Variants in GTPBP2 observed in about 807,000 individuals in gnomAD.
The protein encoded by GTPBP2 is GTP binding protein 2.
GTPBP2 carries 32 observed loss-of-function variants against 63.0 expected under a neutral mutation model. The observed-to-expected ratio is 0.51, with a 90% CI of 0.38 to 0.68. The LOEUF is 0.68. Ranked by LOEUF, GTPBP2 falls within the 30% of genes least tolerant of loss-of-function variation. GTPBP2 has a pLI of 0.00. For missense variants in GTPBP2, 492 were observed against 796.9 expected (o/e 0.62, Z 4.61); for synonymous variants, 310 against 322.6 (o/e 0.96, Z 0.42).
In GTPBP2 at chr6:43,629,035, T is replaced by C. The variant is rs1470049137; in HGVS notation, c.128A>G (p.Lys43Arg). ...SSGCGGPKGK[K>R]KNGRNRGGKA... ...GCCCCCTCTGTTCCTTCCGTTCTTC[T>C]TCTTTCCCTTTGGCCCCCCGCAGCC... is the stretch of plus-strand genomic sequence containing the variant. Residue 43 changes from lysine (K) to arginine (R), a missense_variant, in exon 1 of 12, where the codon AAG becomes AGG. Physicochemically the swap from Lys to Arg is conservative, Grantham distance 26. Transcript: ENST00000307126. The C allele has an allele frequency of 6.2e-7, 1 of 1,613,092 alleles. No homozygotes were observed. The highest frequency in any genetic ancestry group is 2.2e-5 in the East Asian group (1 of 44,864).
At position 43,626,503 on chromosome 6, in the gene GTPBP2, T is replaced by C; in HGVS notation, c.214-93A>G. 1.0e-6 allele frequency: 1 copy of C among 984,642 alleles called. No homozygotes were observed. Among genetic ancestry groups the C allele is most frequent in the South Asian group, 1.5e-5 (1 of 66,876 alleles). 61.0% of individuals were successfully genotyped at this position (984,642 alleles called of 1,614,324 possible). ...CTGTTCTGCTGCAAGGACCAGGACT[T>C]TCTCTTTCCACTTAAACTCATACCT... On this transcript the variant is annotated intron_variant, in intron 2 of 11. Transcript: ENST00000307126. The surrounding 1 kb of genome is among the most constrained non-coding windows in gnomAD (Gnocchi z 4.0).
At chr6:43,630,926 A>G (rs1480721522), upstream of GTPBP2, among the ~76,000 whole-genome samples, 1 of 151,548 alleles carries the variant, frequency 6.6e-6, no homozygotes, top group Non-Finnish European at 1.5e-5. Flanking sequence ...AAAAAAAAAA[A>G]AAAAAGAAAG....
Position 43,626,260 on chromosome 6 carries a change from C to T in GTPBP2, c.364G>A (p.Ala122Thr), listed in dbSNP as rs1278187678. 6.2e-7 allele frequency: 1 copy of T among 1,614,216 alleles called. No homozygotes were observed. The highest frequency in any genetic ancestry group is 1.7e-4 in the Middle Eastern group (1 of 6,052). ...LVGLAEEEMRASLKTLHRMAE... is the reference protein window; with the variant it reads ...LVGLAEEEMRTSLKTLHRMAE... ...ATCCGGTGCAGGGTCTTGAGCGAAGCTCGCATTTCCTCCTCAGCCAGCCCC... is the reference window on the plus strand; with the variant it reads ...ATCCGGTGCAGGGTCTTGAGCGAAGTTCGCATTTCCTCCTCAGCCAGCCCC... The change falls in exon 3 of 12, where the codon GCT becomes ACT. Residue 122 changes from alanine (A) to threonine (T), a missense_variant. By Grantham distance (58) the Ala-to-Thr change is moderately conservative. This residue lies in a region of GTPBP2 where 400 missense variants were observed against 710.8 expected (regional missense o/e 0.56). Coordinates refer to ENST00000307126, the MANE Select transcript of GTPBP2 (RefSeq NM_019096.5). The surrounding 1 kb of genome is among the most constrained non-coding windows in gnomAD (Gnocchi z 4.0).
upstream of GTPBP2, among the ~76,000 whole-genome samples, chr6:43,631,310 G>C (rs1769917483): frequency 6.6e-6 from 1 of 152,174 alleles, no homozygotes; most frequent in Non-Finnish European, 1.5e-5. Flanking sequence ...CTGCTGCTTA[G>C]AGACAGAGAC....
chr6:43,621,899 T>A lies in GTPBP2; in HGVS notation c.1632+104A>T, dbSNP rs2227267. On this transcript the variant is annotated intron_variant, in intron 11 of 11. Coordinates refer to ENST00000307126, the MANE Select transcript of GTPBP2 (RefSeq NM_019096.5). Reference sequence around the variant, plus strand: ...CTATCAGGCCGCTACCCACCCTAAGTGGGGTTTTATTCCCATTGTGGGATC... The same window carrying A: ...CTATCAGGCCGCTACCCACCCTAAGAGGGGTTTTATTCCCATTGTGGGATC... 5.0e-6 allele frequency: 8 copies of A among 1,599,556 alleles called. No individual in the cohort carries two copies. The East Asian group carries it at 1.8e-4, about 36-fold the overall frequency.
chr6:43,629,709 G>C, upstream of GTPBP2: 1 of 1,549,990 alleles, frequency 6.5e-7, no homozygotes, highest in Non-Finnish European at 8.7e-7. Flanking sequence ...TACTGGTGCC[G>C]CCAGCCTGCT....
At chr6:43,627,038 G>A in intron 1 of GTPBP2, 90 bp from the exon 2 acceptor site, 3 of 1,187,930 alleles carry the variant, frequency 2.5e-6, no homozygotes, top group Non-Finnish European at 3.6e-6. Context: ...TAGCTAACTT[G>A]AGAAAGCAGG....
chr6:43,625,025 A>G lies in GTPBP2; in HGVS notation c.743T>C (p.Ile248Thr). Residue 248 changes from isoleucine to threonine, a missense_variant, in exon 6 of 12, where the codon ATC becomes ACC. Around this residue, in one of 2 missense-constraint regions of GTPBP2, gnomAD observed 400 missense variants for 710.8 expected, o/e 0.56. Coordinates refer to ENST00000307126, the MANE Select transcript of GTPBP2 (RefSeq NM_019096.5). The surrounding 1 kb of genome is among the most constrained non-coding windows in gnomAD (Gnocchi z 5.1). Reference protein sequence around the residue: ...NYSDSRTAEEICESSSKMITF... With the variant: ...NYSDSRTAEETCESSSKMITF... ...GATCATCTTGGAGCTGCTCTCACAG[A>G]TCTCTTCTGCTGTCCGTGAGTCGCT... 1 of 1,613,624 alleles carries G rather than the reference A, an allele frequency of 6.2e-7. No individual in the cohort carries two copies. The highest frequency in any genetic ancestry group is 8.5e-7 in the Non-Finnish European group (1 of 1,179,916).
At position 43,623,559 on chromosome 6, in the gene GTPBP2, C is replaced by T. The variant is rs1044693750; in HGVS notation, c.1295+178G>A. On this transcript the variant is annotated intron_variant, in intron 9 of 11. Coordinates refer to ENST00000307126, the MANE Select transcript of GTPBP2 (RefSeq NM_019096.5). ...AATAGGCAGCAATACTGTTTCTTCC[C>T]TCCAAAGCCAACAGACTACCGTTCT... 52 of 619,178 alleles carry T rather than the reference C, an allele frequency of 8.4e-5. No homozygotes were observed. The African/African-American group carries it at 8.5e-4, about 10-fold the overall frequency. 38.4% of individuals were successfully genotyped at this position (619,178 alleles called of 1,614,324 possible).
chr6:43,621,428 G>T lies in GTPBP2; in HGVS notation c.*186C>A. 6.5e-7 allele frequency: 1 copy of T among 1,543,416 alleles called. No individual in the cohort carries two copies. The highest frequency in any genetic ancestry group is 8.8e-7 in the Non-Finnish European group (1 of 1,142,358). ...CCCTGAATCCTGTCTTCTCCCTCAGGACTGCCCTTTCCTGGCCACACCAAG... is the reference window on the plus strand; with the variant it reads ...CCCTGAATCCTGTCTTCTCCCTCAGTACTGCCCTTTCCTGGCCACACCAAG... On this transcript the variant is annotated 3_prime_UTR_variant, in exon 12 of 12. Transcript: ENST00000307126.
In GTPBP2 at chr6:43,625,653, T is replaced by C. The variant is rs1363923950; in HGVS notation, c.508-93A>G. Reference sequence around the variant, plus strand: ...GCAGTGACGCTCCCTAGGGAGCAAGTGATGAACTGGAAGCCCCCAGGATCC... The same window carrying C: ...GCAGTGACGCTCCCTAGGGAGCAAGCGATGAACTGGAAGCCCCCAGGATCC... On this transcript the variant is annotated intron_variant, in intron 4 of 11. Transcript: ENST00000307126. This position sits in a 1 kb window ranked among gnomAD's most constrained non-coding sequence, Gnocchi z 5.1. 7.2e-6 allele frequency: 10 copies of C among 1,398,106 alleles called. No individual in the cohort carries two copies. Among genetic ancestry groups the C allele is most frequent in the Non-Finnish European group, 9.1e-6 (9 of 984,126 alleles). 86.6% of individuals were successfully genotyped at this position (1,398,106 alleles called of 1,614,324 possible). A position where few individuals can be genotyped will look rare whatever the true frequency, so the allele number is the denominator to read the frequency against.
At chr6:43,630,786 G>T (rs1461895103), upstream of GTPBP2, among the ~76,000 whole-genome samples, 2 of 150,628 alleles carry the variant, frequency 1.3e-5, no homozygotes, top group Non-Finnish European at 3.0e-5. Context: ...GTGCACATCT[G>T]TGGTCCCAGC....
chr6:43,623,862 A>T (rs1769054446), intron 8 of GTPBP2, 67 bp from the exon 9 acceptor site: 3 of 1,612,188 alleles, frequency 1.9e-6, no homozygotes, highest in Non-Finnish European at 2.5e-6. Flanking sequence ...ATCTCTAAAC[A>T]GACTCTGGGT....
Position 43,623,811 on chromosome 6 carries a change from A to C in GTPBP2, c.1237-16T>G. ...TTTCATCCACCTGAAGCCAAAGAAA[A>C]CGCTATCAATGGCCTGCCAAGTAGG... is the stretch of plus-strand genomic sequence containing the variant. On this transcript the variant is annotated splice_polypyrimidine_tract_variant and intron_variant, in intron 8 of 11. Coordinates refer to ENST00000307126, the MANE Select transcript of GTPBP2 (RefSeq NM_019096.5). 1 of 1,613,006 alleles carries C rather than the reference A, an allele frequency of 6.2e-7. No individual in the cohort carries two copies. Among genetic ancestry groups the C allele is most frequent in the Non-Finnish European group, 8.5e-7 (1 of 1,179,006 alleles).
chr6:43,628,659 C>A, intron 1 of GTPBP2: 1 of 847,832 alleles, frequency 1.2e-6, no homozygotes, highest in East Asian at 4.1e-5. Context: ...TCTCTCTTGC[C>A]CTATGGCGGC....
rs1028163442 is a variant in GTPBP2, at chr6:43,620,936, G to A, written c.*678C>T. 1.8e-5 allele frequency: 3 copies of A among 165,162 alleles called. No individual in the cohort carries two copies. Among genetic ancestry groups the A allele is most frequent in the Admixed American group, 5.7e-5 (1 of 17,678 alleles). The allele number at this position is 165,162 out of a possible 1,614,324, so 10.2% of individuals were successfully genotyped here. On this transcript the variant is annotated 3_prime_UTR_variant, in exon 12 of 12. Coordinates refer to ENST00000307126, the MANE Select transcript of GTPBP2 (RefSeq NM_019096.5). The stretch of plus-strand genomic sequence containing the variant: ...GCTTGGTAGCCCCACGCCTGGGCCA[G>A]CACAACAAATAGCACCTGTGGGGCC...
chr6:43,629,064 G>A lies in GTPBP2; in HGVS notation c.99C>T (p.Ser33=), dbSNP rs1311275471. 9.3e-6 allele frequency: 15 copies of A among 1,606,732 alleles called. No homozygotes were observed. The highest frequency in any genetic ancestry group is 1.3e-5 in the Non-Finnish European group (15 of 1,176,714). ...TTCCCTTTGGCCCCCCGCAGCCGCT[G>A]CTGCTGCCGGCCCCCCTAGCCTTGA... is the stretch of plus-strand genomic sequence containing the variant. ...GTLKARGAGS[S]SGCGGPKGKK... The change falls in exon 1 of 12, where the codon AGC becomes AGT. Residue 33 remains serine, a synonymous_variant. Coordinates refer to ENST00000307126, the MANE Select transcript of GTPBP2 (RefSeq NM_019096.5).
Position 43,625,819 on chromosome 6 carries a change from A to G in GTPBP2, c.444T>C (p.Tyr148=), listed in dbSNP as rs1769272341. ...ITVLREREVD[Y]DSDMPRKITE... ...TGATCTTCCGGGGCATGTCGCTATC[A>G]TAATCCACTTCTCGCTCTCGAAGAA... Residue 148 remains tyrosine (Y), a synonymous_variant, in exon 4 of 12, where the codon TAT becomes TAC. Coordinates refer to ENST00000307126, the MANE Select transcript of GTPBP2 (RefSeq NM_019096.5). This position sits in a 1 kb window ranked among gnomAD's most constrained non-coding sequence, Gnocchi z 5.1. The G allele has an allele frequency of 3.1e-6, 5 of 1,614,096 alleles. No homozygotes were observed. Among genetic ancestry groups the G allele is most frequent in the Non-Finnish European group, 4.2e-6 (5 of 1,180,006 alleles).
At position 43,624,895 on chromosome 6, in the gene GTPBP2, A is replaced by G. The variant is rs1769174652; in HGVS notation, c.873T>C (p.Thr291=). The G allele has an allele frequency of 6.2e-7, 1 of 1,613,852 alleles. No individual in the cohort carries two copies. Among genetic ancestry groups the G allele is most frequent in the African/African-American group, 1.3e-5 (1 of 74,898 alleles). Residue 291 remains threonine, a synonymous_variant, in exon 6 of 12, where the codon ACT becomes ACC. Coordinates refer to ENST00000307126, the MANE Select transcript of GTPBP2 (RefSeq NM_019096.5). The surrounding 1 kb of genome is among the most constrained non-coding windows in gnomAD (Gnocchi z 5.1). ...TGCCCTAATGCCTCGTACCAATCCC[A>G]GTGTTGGCACTGACGAGGAGCAGGG... ...DCALLLVSAN[T]GIAGTTREHL...
Sources: allele counts gnomAD v4.1 joint callset (sites outside exome capture counted in the v4.1 genomes callset), GRCh38; gene constraint gnomAD v4.1.1; regional missense constraint gnomAD v4.1.1; non-coding constraint Gnocchi (gnomAD v3.1); transcripts MANE v1.5; gene names NCBI Gene and HGNC (gene_info 2026-07-23, HGNC 2026-07-21).